Variants in RIMKLA observed in about 807,000 individuals in gnomAD.
RIMKLA encodes N-acetylaspartylglutamate synthase A.
RIMKLA carries 14 observed loss-of-function variants against 32.7 expected under a neutral mutation model. The observed-to-expected ratio is 0.43, with a 90% CI of 0.28 to 0.67. The LOEUF (loss-of-function observed/expected upper bound fraction) is 0.67. RIMKLA is among the 30% of genes least tolerant of loss of function. The pLI, the probability that RIMKLA is intolerant of heterozygous loss-of-function variation, is 0.18. For synonymous variants in RIMKLA, 176 were observed against 204.1 expected (o/e 0.86, Z 1.18); for missense variants, 410 against 519.0 (o/e 0.79, Z 2.04).
chr1:42,392,857 T>C (rs1396216828), intron 1 of RIMKLA, among the ~76,000 whole-genome samples: 1 of 152,128 alleles, frequency 6.6e-6, no homozygotes, highest in African/African-American at 2.4e-5. Flanking sequence ...CCAGGCATGG[T>C]GGCTCGTGCC....
At chr1:42,409,691 T>C (rs918075279) in intron 3 of RIMKLA, among the ~76,000 whole-genome samples, 3 of 152,228 alleles carry the variant, frequency 2.0e-5, no homozygotes, top group African/African-American at 7.2e-5. Flanking sequence ...ACTGAATTGA[T>C]TAGATCTTTG....
Position 42,416,174 on chromosome 1 carries a change from A to G in RIMKLA, c.*1200A>G, listed in dbSNP as rs1392738860. ...AGATGAGATCTTTCCCTTGGGAGAAATCACAGAGATGGAGTTTTCCATTTC... is the reference window on the plus strand; with the variant it reads ...AGATGAGATCTTTCCCTTGGGAGAAGTCACAGAGATGGAGTTTTCCATTTC... On this transcript the variant is annotated 3_prime_UTR_variant, in exon 5 of 5. Coordinates refer to ENST00000431473, the MANE Select transcript of RIMKLA (RefSeq NM_173642.4). 6.6e-6 allele frequency: 1 copy of G among 151,112 alleles called. No homozygotes were observed. The highest frequency in any genetic ancestry group is 1.5e-5 in the Non-Finnish European group (1 of 67,846). The allele number at this position is 151,112 out of a possible 1,614,324, so 9.4% of individuals were successfully genotyped here. A position where few individuals can be genotyped will look rare whatever the true frequency, so the allele number is the denominator to read the frequency against.
At chr1:42,396,539 G>T (rs972755147) in intron 1 of RIMKLA, 4 of 152,202 alleles carry the variant, frequency 2.6e-5, no homozygotes, top group African/African-American at 9.6e-5. Context: ...GCTCGTTGAG[G>T]CTGAGTTGTC....
At position 42,410,560 on chromosome 1, in the gene RIMKLA, A is replaced by G. The variant is rs1643188650; in HGVS notation, c.685+373A>G. Among the ~76,000 whole-genome samples the G allele has an allele frequency of 2.6e-5, 4 of 152,134 alleles. No homozygotes were observed. The South Asian group carries it at 8.3e-4, about 32-fold the overall frequency. On this transcript the variant is annotated intron_variant, in intron 4 of 4. Coordinates refer to ENST00000431473, the MANE Select transcript of RIMKLA (RefSeq NM_173642.4). Reference sequence around the variant, plus strand: ...TTGAAGCTGTTGCAACAGCTCAGGCAAAAAAAATAATAAGAGTCTAAAGTG... The same window carrying G: ...TTGAAGCTGTTGCAACAGCTCAGGCGAAAAAAATAATAAGAGTCTAAAGTG...
At chr1:42,404,269 A>G (rs182925300) in intron 2 of RIMKLA, among the ~76,000 whole-genome samples, 22 of 152,162 alleles carry the variant, frequency 1.4e-4, no homozygotes, top group Admixed American at 6.5e-4. Context: ...TATGATTGTT[A>G]TAAGGATTGT....
At chr1:42,398,959 C>A (rs1241851297) in intron 1 of RIMKLA, among the ~76,000 whole-genome samples, 3 of 127,036 alleles carry the variant, frequency 2.4e-5, no homozygotes, top group African/African-American at 8.8e-5. Flanking sequence ...AGAGTAAGAC[C>A]CTGTCTTTAA....
intron 1 of RIMKLA, among the ~76,000 whole-genome samples, chr1:42,386,305 GT>G (rs1642946486): frequency 6.6e-6 from 1 of 151,748 alleles, no homozygotes; most frequent in South Asian, 2.1e-4. Context: ...GTGGAAGGGA[GT>G]ACAGCCATCA....
At chr1:42,410,296 A>G (rs1212027860) in intron 4 of RIMKLA, 109 bp downstream of exon 4, 8 of 878,498 alleles carry the variant, frequency 9.1e-6, no homozygotes, top group Non-Finnish European at 1.4e-5. Context: ...AGGATCTCAC[A>G]GATGAGAATG....
chr1:42,384,544 T>C (rs1642918807), intron 1 of RIMKLA, among the ~76,000 whole-genome samples: 1 of 144,238 alleles, frequency 6.9e-6, no homozygotes. Context: ...TATATATGTA[T>C]ATATATGTGT....
At chr1:42,389,769 G>A (rs927084827) in intron 1 of RIMKLA, among the ~76,000 whole-genome samples, 2 of 151,984 alleles carry the variant, frequency 1.3e-5, no homozygotes, top group Admixed American at 6.6e-5. Context: ...AGCAGAGATC[G>A]TGCCACTGCA....
Position 42,417,734 on chromosome 1 carries a change from G to A in RIMKLA, c.*2760G>A, listed in dbSNP as rs1270496575. 6.6e-6 allele frequency: 1 copy of A among 152,240 alleles called. No homozygotes were observed. The highest frequency in any genetic ancestry group is 1.5e-5 in the Non-Finnish European group (1 of 68,108). 9.4% of individuals were successfully genotyped at this position (152,240 alleles called of 1,614,324 possible). ...GCACTTCGGGAGGCCGAGGCGGGTG[G>A]ATCATGAGGTCAGGAGATTGAGACC... On this transcript the variant is annotated 3_prime_UTR_variant, in exon 5 of 5. Transcript: ENST00000431473.
intron 1 of RIMKLA, among the ~76,000 whole-genome samples, chr1:42,395,337 T>C (rs913021186): frequency 2.0e-5 from 3 of 151,868 alleles, no homozygotes; most frequent in Non-Finnish European, 4.4e-5. Flanking sequence ...ATTGACCTAT[T>C]TGGGGACAGA....
At chr1:42,397,356 A>G (rs1312227921) in intron 1 of RIMKLA, among the ~76,000 whole-genome samples, 21 of 152,220 alleles carry the variant, frequency 1.4e-4, no homozygotes, top group Admixed American at 1.2e-3. Context: ...GTGGTTATGC[A>G]GTATAATATC....
intron 1 of RIMKLA, among the ~76,000 whole-genome samples, chr1:42,382,447 A>G (rs1642897837): frequency 6.6e-6 from 1 of 152,130 alleles, no homozygotes; most frequent in South Asian, 2.1e-4. Flanking sequence ...CGGGATTCTT[A>G]TTTATAGAAA....
In RIMKLA at chr1:42,397,223, C is replaced by T. The variant is rs139586601; in HGVS notation, c.164-2181C>T. Among the ~76,000 whole-genome samples, 3 of 152,244 alleles carry T rather than the reference C, an allele frequency of 2.0e-5. No homozygotes were observed. The East Asian group carries it at 5.8e-4, about 29-fold the overall frequency. On this transcript the variant is annotated intron_variant, in intron 1 of 4. Transcript: ENST00000431473. ...TGGGGGAAAGTGTGCAATTCAGGGC[C>T]ATGTAGTAGTTTTGTGGGTGTTTTG...
At chr1:42,409,201 CAAAAAAAAAAAAAA>C (rs59543497) in intron 3 of RIMKLA, among the ~76,000 whole-genome samples, 264 of 64,514 alleles carry the variant, frequency 4.1e-3, no homozygotes, top group African/African-American at 0.017. Context: ...GACTCTGTCT[CAAAAAAAAAAAAAA>C]AAAAAAAAAA....
Position 42,411,349 on chromosome 1 carries a change from A to AG in RIMKLA, c.685+1162_685+1163insG, listed in dbSNP as rs202194724. Among the ~76,000 whole-genome samples the AG allele has an allele frequency of 6.7e-3, 1,017 of 151,788 alleles. 7 individuals are homozygous for AG. The highest frequency in any genetic ancestry group is 0.018 in the African/African-American group (727 of 41,418). On this transcript the variant is annotated intron_variant, in intron 4 of 4. Transcript: ENST00000431473. ...GACCCTATCTCTTAAAAAAAAAAAAAAGAGAGATAATTATAAGATAATTGT... is the reference window on the plus strand; with the variant it reads ...GACCCTATCTCTTAAAAAAAAAAAAAGAGAGAGATAATTATAAGATAATTGT...
chr1:42,394,721 G>A (rs185040568), intron 1 of RIMKLA, among the ~76,000 whole-genome samples: 81 of 151,942 alleles, frequency 5.3e-4, no homozygotes, highest in African/African-American at 1.7e-3. Flanking sequence ...ATACAAATGC[G>A]TAAGTCCAGT....
At chr1:42,405,623 C>T (rs1452996868) in intron 3 of RIMKLA, among the ~76,000 whole-genome samples, 1 of 152,134 alleles carries the variant, frequency 6.6e-6, no homozygotes, top group African/African-American at 2.4e-5. Context: ...GCACTCTATC[C>T]TGGGCGACAG....
Sources: allele counts gnomAD v4.1 joint callset (sites outside exome capture counted in the v4.1 genomes callset), GRCh38; gene constraint gnomAD v4.1.1; transcripts MANE v1.5; gene names NCBI Gene and HGNC (gene_info 2026-07-23, HGNC 2026-07-21).